The following DSCAM variants were observed in gnomAD, a reference collection of about 807,000 sequenced individuals.
The protein encoded by DSCAM is cell adhesion molecule DSCAM.
A neutral mutation model predicts 217.7 loss-of-function variants in DSCAM; 47 were observed. The ratio of observed to expected loss-of-function variants is 0.22; its 90% CI spans 0.17 to 0.28. The LOEUF (loss-of-function observed/expected upper bound fraction) is 0.28. Ranked by LOEUF, DSCAM falls within the 10% of genes least tolerant of loss-of-function variation. The pLI is 1.00. For synonymous variants in DSCAM, 1,056 were observed against 1,015.3 expected (o/e 1.04, Z -0.76); for missense variants, 2,080 against 2,618.3 (o/e 0.79, Z 4.49).
At chr21:40,456,573 A>C (rs771927108) in intron 3 of DSCAM, among the ~76,000 whole-genome samples, 1 of 152,104 alleles carries the variant, frequency 6.6e-6, no homozygotes, top group Non-Finnish European at 1.5e-5. Flanking sequence ...CTAATATTGA[A>C]CTCTAGCTAA....
At chr21:40,310,106 T>G (rs2074121585) in intron 9 of DSCAM, among the ~76,000 whole-genome samples, 1 of 152,236 alleles carries the variant, frequency 6.6e-6, no homozygotes. Flanking sequence ...GGTTATTTAA[T>G]TGACAGGAGC....
intron 2 of DSCAM, among the ~76,000 whole-genome samples, chr21:40,696,617 C>G (rs1447802796): frequency 6.6e-6 from 1 of 152,110 alleles, no homozygotes; most frequent in Non-Finnish European, 1.5e-5. Context: ...AACCAGCGCG[C>G]AGATCTTGGG....
chr21:40,772,663 T>C (rs1033938265), intron 1 of DSCAM, among the ~76,000 whole-genome samples: 2 of 152,174 alleles, frequency 1.3e-5, no homozygotes, highest in Admixed American at 6.5e-5. Flanking sequence ...AAATTCCCTC[T>C]TCCTCTCTGT....
chr21:40,144,781 G>C lies in DSCAM; in HGVS notation c.3019-50C>G, dbSNP rs769880652. 1 of 1,607,094 alleles carries C rather than the reference G, an allele frequency of 6.2e-7. No individual in the cohort carries two copies. The highest frequency in any genetic ancestry group is 8.5e-7 in the Non-Finnish European group (1 of 1,176,624). On this transcript the variant is annotated intron_variant, in intron 16 of 32. Transcript: ENST00000400454. The surrounding 1 kb of genome is among the most constrained non-coding windows in gnomAD (Gnocchi z 4.8). ...CTAAAGAAGTCTTGAGGTAGGACAA[G>C]AGCGAAATCAACGCCCACACCCACG...
chr21:40,330,338 C>A (rs1385138396), intron 8 of DSCAM, among the ~76,000 whole-genome samples: 3 of 142,320 alleles, frequency 2.1e-5, no homozygotes, highest in Non-Finnish European at 4.6e-5. Flanking sequence ...ATATTATATG[C>A]ATATATTTAT....
At chr21:40,428,234 TTGTGTGTG>T (rs71186936) in intron 3 of DSCAM, among the ~76,000 whole-genome samples, 9,663 of 129,116 alleles carry the variant, frequency 0.075, 390 homozygotes, top group East Asian at 0.11. Flanking sequence ...GGCAAATACT[TTGTGTGTG>T]TGTGTGTGTG....
At chr21:40,560,636 C>T (rs984236871) in intron 3 of DSCAM, among the ~76,000 whole-genome samples, 14 of 152,334 alleles carry the variant, frequency 9.2e-5, no homozygotes, top group Admixed American at 3.3e-4. Context: ...AACATCATAG[C>T]TTAGCCTAGC....
intron 1 of DSCAM, among the ~76,000 whole-genome samples, chr21:40,799,901 T>G (rs932733855): frequency 6.6e-6 from 1 of 152,216 alleles, no homozygotes; most frequent in African/African-American, 2.4e-5. Context: ...AGTACACTGC[T>G]TTGGTTTGAA....
At chr21:40,384,814 C>T (rs1487898062) in intron 3 of DSCAM, 2 of 152,214 alleles carry the variant, frequency 1.3e-5, no homozygotes, top group Non-Finnish European at 2.9e-5. Flanking sequence ...CCATGTCCTT[C>T]TCTGTCCCTC....
chr21:40,178,936 C>T lies in DSCAM; in HGVS notation c.2938G>A (p.Asp980Asn), dbSNP rs964166406. The change falls in exon 15 of 33, where the codon GAC becomes AAC. Residue 980 changes from aspartate (D) to asparagine (N), a missense_variant. This residue lies in a region of DSCAM where 1,144 missense variants were observed against 1,421.1 expected (regional missense o/e 0.81). Coordinates refer to ENST00000400454, the MANE Select transcript of DSCAM (RefSeq NM_001389.5). ...GCCCGGTCCCACGTACCTGCCTCGTCCGCCGTGATGGTGAGCTCGTTGCTG... is the reference window on the plus strand; with the variant it reads ...GCCCGGTCCCACGTACCTGCCTCGTTCGCCGTGATGGTGAGCTCGTTGCTG... ...EPSNELTITA[D>N]EAAPDGPPQE... 6.2e-7 allele frequency: 1 copy of T among 1,613,728 alleles called. No individual in the cohort carries two copies. Among genetic ancestry groups the T allele is most frequent in the Non-Finnish European group, 8.5e-7 (1 of 1,180,002 alleles).
intron 3 of DSCAM, among the ~76,000 whole-genome samples, chr21:40,569,101 C>A (rs2076786654): frequency 6.6e-6 from 1 of 152,136 alleles, no homozygotes; most frequent in African/African-American, 2.4e-5. Context: ...TGGACACAGA[C>A]CTACCCACTG....
In DSCAM at chr21:40,127,507, T is replaced by C. The variant is rs560764696; in HGVS notation, c.3563-3179A>G. On this transcript the variant is annotated intron_variant, in intron 19 of 32. Transcript: ENST00000400454. ...AGAGGAGTTCTGCATTTAAGTTTAA[T>C]TGATTGCAGTAAAGAATGTGGCCTT... Among the ~76,000 whole-genome samples, 23 of 152,340 alleles carry C rather than the reference T, an allele frequency of 1.5e-4. 1 individual carries two copies. In the South Asian group the frequency reaches 3.9e-3, roughly 26 times the overall value.
chr21:40,168,781 C>A (rs1399210740), intron 15 of DSCAM, among the ~76,000 whole-genome samples: 1 of 152,124 alleles, frequency 6.6e-6, no homozygotes, highest in Admixed American at 6.5e-5. Flanking sequence ...TGAGTAGTAG[C>A]ATGATGTAGT....
intron 14 of DSCAM, among the ~76,000 whole-genome samples, chr21:40,183,148 G>A (rs188662744): frequency 1.1e-4 from 16 of 150,244 alleles, no homozygotes; most frequent in African/African-American, 2.2e-4. Flanking sequence ...GAGAACCTGC[G>A]GACAGGAGAT....
At chr21:40,523,263 T>G (rs1293738877) in intron 3 of DSCAM, among the ~76,000 whole-genome samples, 1 of 149,462 alleles carries the variant, frequency 6.7e-6, no homozygotes, top group Non-Finnish European at 1.5e-5. Context: ...GACATTTCTG[T>G]TTTTGTGCCC....
At chr21:40,800,829 C>A (rs1414035016) in intron 1 of DSCAM, among the ~76,000 whole-genome samples, 1 of 151,586 alleles carries the variant, frequency 6.6e-6, no homozygotes, top group Non-Finnish European at 1.5e-5. Context: ...GATTCTCCTG[C>A]CTCAGCCTCC....
chr21:40,597,794 G>T (rs963420913), intron 3 of DSCAM, among the ~76,000 whole-genome samples: 5 of 152,136 alleles, frequency 3.3e-5, no homozygotes, highest in African/African-American at 1.2e-4. Context: ...TTACAGGCGT[G>T]AGCCACAGTG....
chr21:40,255,117 C>G (rs948780229), intron 11 of DSCAM, among the ~76,000 whole-genome samples: 1 of 151,924 alleles, frequency 6.6e-6, no homozygotes, highest in African/African-American at 2.4e-5. Context: ...ATTGAGGAGA[C>G]GACTCCATTT....
chr21:40,069,247 T>C (rs1269010267), intron 27 of DSCAM, among the ~76,000 whole-genome samples: 3 of 152,182 alleles, frequency 2.0e-5, no homozygotes, highest in African/African-American at 7.2e-5. Flanking sequence ...GAAGCATTAG[T>C]AGCCTGTGGA....
Sources: allele counts gnomAD v4.1 joint callset (sites outside exome capture counted in the v4.1 genomes callset), GRCh38; gene constraint gnomAD v4.1.1; regional missense constraint gnomAD v4.1.1; non-coding constraint Gnocchi (gnomAD v3.1); transcripts MANE v1.5; gene names NCBI Gene and HGNC (gene_info 2026-07-23, HGNC 2026-07-21).